Variants in SLC7A1 observed in about 807,000 individuals in gnomAD.
SLC7A1 encodes solute carrier family 7 member 1.
A neutral mutation model predicts 53.9 loss-of-function variants in SLC7A1; 10 were observed. The ratio of observed to expected loss-of-function variants is 0.19; its 90% CI spans 0.11 to 0.31. SLC7A1 has a LOEUF of 0.31. Among genes scored for constraint, SLC7A1 ranks in the 10% least tolerant of loss-of-function variants. The pLI is 1.00. For synonymous variants in SLC7A1, 342 were observed against 338.7 expected (o/e 1.01, Z -0.11); for missense variants, 525 against 827.2 (o/e 0.63, Z 4.48).
chr13:29,521,585 G>A (rs1425863037), intron 8 of SLC7A1, among the ~76,000 whole-genome samples: 2 of 152,220 alleles, frequency 1.3e-5, no homozygotes, highest in African/African-American at 4.8e-5. Flanking sequence ...TGCGAAAGGG[G>A]CGGGCGTCTG....
chr13:29,515,961 C>A (rs779230394), intron 12 of SLC7A1, among the ~76,000 whole-genome samples, 177 bp downstream of exon 12: 5 of 152,226 alleles, frequency 3.3e-5, no homozygotes, highest in Non-Finnish European at 5.9e-5. Flanking sequence ...GGACAAGAAG[C>A]AATGGAAACA....
chr13:29,516,698 G>A (rs545369307), intron 11 of SLC7A1, among the ~76,000 whole-genome samples: 6 of 152,296 alleles, frequency 3.9e-5, no homozygotes, highest in Middle Eastern at 3.4e-3. Context: ...CCACCACCCC[G>A]GAGGGACTGC....
intron 7 of SLC7A1, 25 bp downstream of exon 7, chr13:29,523,241 C>T: frequency 1.3e-6 from 2 of 1,587,464 alleles, no homozygotes; most frequent in Non-Finnish European, 1.7e-6. Context: ...CCCCTAGGAG[C>T]AGCCACCACA....
chr13:29,588,417 T>A (rs1275808942), intron 1 of SLC7A1, among the ~76,000 whole-genome samples: 2 of 152,046 alleles, frequency 1.3e-5, no homozygotes, highest in Non-Finnish European at 2.9e-5. Context: ...GGAGAGAGAA[T>A]AGAAGGAGGC....
chr13:29,566,521 C>T (rs187621613), intron 1 of SLC7A1, among the ~76,000 whole-genome samples: 1 of 152,308 alleles, frequency 6.6e-6, no homozygotes, highest in East Asian at 1.9e-4. Context: ...AGAAGCCAGA[C>T]ATAAAGGGTC....
At chr13:29,529,302 T>G (rs1449757150) in intron 5 of SLC7A1, among the ~76,000 whole-genome samples, 1 of 152,190 alleles carries the variant, frequency 6.6e-6, no homozygotes, top group Non-Finnish European at 1.5e-5. Context: ...TGCCCACTGG[T>G]AACAATACTG....
chr13:29,530,270 AC>A (rs1240593689), intron 5 of SLC7A1, among the ~76,000 whole-genome samples: 1 of 152,204 alleles, frequency 6.6e-6, no homozygotes, highest in African/African-American at 2.4e-5. Flanking sequence ...TGAATGATAC[AC>A]AATTTGGAAT....
intron 1 of SLC7A1, among the ~76,000 whole-genome samples, chr13:29,592,165 G>C (rs1001116007): frequency 1.3e-5 from 2 of 152,154 alleles, no homozygotes; most frequent in Non-Finnish European, 2.9e-5. Context: ...ATCCCATTCT[G>C]CATTGAAGCT....
chr13:29,519,331 A>G (rs1348298332), intron 9 of SLC7A1, 116 bp downstream of exon 9: 6 of 619,240 alleles, frequency 9.7e-6, no homozygotes, highest in East Asian at 9.0e-5. Flanking sequence ...GCAGCTCCCA[A>G]TGGAGCTATC....
chr13:29,522,687 T>C (rs1375292574), intron 7 of SLC7A1, among the ~76,000 whole-genome samples: 5 of 152,236 alleles, frequency 3.3e-5, no homozygotes, highest in Non-Finnish European at 7.3e-5. Context: ...AGGGAACATC[T>C]ATCTAACATA....
At chr13:29,564,844 T>C (rs980419178) in intron 1 of SLC7A1, among the ~76,000 whole-genome samples, 3 of 152,264 alleles carry the variant, frequency 2.0e-5, no homozygotes, top group Non-Finnish European at 2.9e-5. Context: ...TATTAAGCAC[T>C]TTTCAAAAGA....
intron 1 of SLC7A1, among the ~76,000 whole-genome samples, chr13:29,588,508 CTT>C (rs60989447): frequency 2.8e-5 from 4 of 144,126 alleles, no homozygotes; most frequent in South Asian, 2.2e-4. Context: ...TCTTTTCTTT[CTT>C]TTTTTTTTTT....
At chr13:29,557,778 A>AGTGAATGTGAATGAGGG (rs1870508482) in intron 1 of SLC7A1, among the ~76,000 whole-genome samples, 1 of 67,926 alleles carries the variant, frequency 1.5e-5, no homozygotes, top group African/African-American at 6.7e-5. Context: ...TGAGTGAGGG[A>AGTGAATGTGAATGAGGG]GGAGTGAATG....
At chr13:29,542,454 C>A (rs1166184907) in intron 2 of SLC7A1, among the ~76,000 whole-genome samples, 1 of 150,396 alleles carries the variant, frequency 6.6e-6, no homozygotes, top group East Asian at 1.9e-4. Context: ...AAATCTGTCT[C>A]AAAAAAAAAG....
intron 1 of SLC7A1, among the ~76,000 whole-genome samples, chr13:29,585,989 G>A (rs563755919): frequency 6.6e-6 from 1 of 152,318 alleles, no homozygotes; most frequent in South Asian, 2.1e-4. Flanking sequence ...TCAACCACAG[G>A]ACAGGACAAA....
At chr13:29,546,005 A>C (rs1366429108) in intron 2 of SLC7A1, among the ~76,000 whole-genome samples, 1 of 152,224 alleles carries the variant, frequency 6.6e-6, no homozygotes, top group Non-Finnish European at 1.5e-5. Flanking sequence ...GTGTGCAGAA[A>C]TGTGTTACAA....
intron 2 of SLC7A1, among the ~76,000 whole-genome samples, chr13:29,546,311 CT>C (rs1431066593): frequency 3.3e-5 from 5 of 152,210 alleles, no homozygotes; most frequent in Non-Finnish European, 7.3e-5. Flanking sequence ...TCAGAAGAAA[CT>C]TGTTCTTTAA....
intron 10 of SLC7A1, 126 bp downstream of exon 10, chr13:29,517,447 C>A: frequency 8.2e-7 from 1 of 1,222,024 alleles, no homozygotes; most frequent in Non-Finnish European, 1.2e-6. Context: ...CACAGAGTAA[C>A]TATGTCCCAG....
At chr13:29,591,424 C>A (rs1462182087) in intron 1 of SLC7A1, among the ~76,000 whole-genome samples, 1 of 152,146 alleles carries the variant, frequency 6.6e-6, no homozygotes, top group East Asian at 1.9e-4. Context: ...CTCCTTTGAC[C>A]CCACAGCGTA....
Sources: gnomAD v4.1 joint callset for allele counts (sites outside exome capture counted in the v4.1 genomes callset) on GRCh38, gnomAD v4.1.1 for gene constraint, MANE v1.5 for transcripts, NCBI Gene and HGNC (gene_info 2026-07-23, HGNC 2026-07-21) for gene names.